Variants in COL17A1 observed in about 807,000 individuals in gnomAD.
COL17A1 encodes collagen alpha-1(XVII) chain.
A neutral mutation model predicts 218.4 loss-of-function variants in COL17A1; 181 were observed. The ratio of observed to expected loss-of-function variants is 0.83; its 90% confidence interval spans 0.73 to 0.94. COL17A1 has a LOEUF of 0.94. Ranked by LOEUF, COL17A1 falls within the 40% of genes least tolerant of loss-of-function variation. The pLI is 0.00. For synonymous variants in COL17A1, 721 were observed against 731.0 expected (o/e 0.99, Z 0.22); for missense variants, 1,924 against 1,945.9 (o/e 0.99, Z 0.21).
intron 2 of COL17A1, 114 bp downstream of exon 2, chr10:104,080,508 T>G (rs1051850864): frequency 7.8e-7 from 1 of 1,282,790 alleles, no homozygotes; most frequent in African/African-American, 1.5e-5. Flanking sequence ...AGGAACACAC[T>G]TAAACATGAT....
intron 29 of COL17A1, among the ~76,000 whole-genome samples, chr10:104,048,346 C>T (rs897491250): frequency 1.2e-4 from 18 of 152,172 alleles, no homozygotes; most frequent in African/African-American, 3.9e-4. Flanking sequence ...GCATCTCAAG[C>T]GCCTCGATGC....
chr10:104,039,523 G>T lies in COL17A1; in HGVS notation c.2822-4C>A. 6.2e-7 allele frequency: 1 copy of T among 1,614,176 alleles called. No homozygotes were observed. Among genetic ancestry groups the T allele is most frequent in the Non-Finnish European group, 8.5e-7 (1 of 1,180,032 alleles). On this transcript the variant is annotated splice_polypyrimidine_tract_variant and splice_region_variant and intron_variant, in intron 42 of 55. Coordinates refer to ENST00000648076, the MANE Select transcript of COL17A1 (RefSeq NM_000494.4). ...TTGAGTCCGAAAGAACTGGACCCTG[G>T]AAGCCAACAACACACACAGTGCAGT...
intron 17 of COL17A1, 144 bp from the exon 18 acceptor site, chr10:104,056,147 C>T: frequency 1.0e-6 from 1 of 1,001,398 alleles, no homozygotes; most frequent in Non-Finnish European, 1.5e-6. Flanking sequence ...AGATAATCTG[C>T]CGTGGCCACC....
At chr10:104,076,216 G>C in intron 5 of COL17A1, 85 bp downstream of exon 5, 1 of 1,603,878 alleles carries the variant, frequency 6.2e-7, no homozygotes, top group South Asian at 1.1e-5. Context: ...GCAGACACAG[G>C]TGGCCAGCAT....
Position 104,039,531 on chromosome 10 carries a change from C to G in COL17A1, c.2822-12G>C. 1 of 1,614,136 alleles carries G rather than the reference C, an allele frequency of 6.2e-7. No homozygotes were observed. Among genetic ancestry groups the G allele is most frequent in the Non-Finnish European group, 8.5e-7 (1 of 1,180,018 alleles). On this transcript the variant is annotated splice_polypyrimidine_tract_variant and intron_variant, in intron 42 of 55. Coordinates refer to ENST00000648076, the MANE Select transcript of COL17A1 (RefSeq NM_000494.4). ...GAAAGAACTGGACCCTGGAAGCCAA[C>G]AACACACACAGTGCAGTCAGCCAGG...
At chr10:104,036,906 A>G (rs2086305241) in intron 47 of COL17A1, 139 bp downstream of exon 47, 1 of 875,860 alleles carries the variant, frequency 1.1e-6, no homozygotes, top group African/African-American at 1.7e-5. Flanking sequence ...TCAGAGCAGT[A>G]AGTGGCTCTT....
intron 16 of COL17A1, 61 bp downstream of exon 16, chr10:104,058,085 C>T: frequency 2.5e-6 from 4 of 1,609,276 alleles, no homozygotes; most frequent in Non-Finnish European, 3.4e-6. Flanking sequence ...ATCATCTGGT[C>T]CATTAGCCAT....
chr10:104,085,824 T>C lies in COL17A1; in HGVS notation c.-113A>G, dbSNP rs1447187060. The C allele has an allele frequency of 6.5e-6, 1 of 152,674 alleles. No individual in the cohort carries two copies. The highest frequency in any genetic ancestry group is 1.5e-5 in the Non-Finnish European group (1 of 68,042). The allele number at this position is 152,674 out of a possible 1,614,324, so 9.5% of individuals were successfully genotyped here. A position where few individuals can be genotyped will look rare whatever the true frequency, so the allele number is the denominator to read the frequency against. On this transcript the variant is annotated 5_prime_UTR_variant, in exon 1 of 56. Coordinates refer to ENST00000648076, the MANE Select transcript of COL17A1 (RefSeq NM_000494.4). ...TCTAGAAATTTGCAGTGCTCACTTTTTTTTTATCCAGACCCAGCCAAGGTG... is the reference window on the plus strand; with the variant it reads ...TCTAGAAATTTGCAGTGCTCACTTTCTTTTTATCCAGACCCAGCCAAGGTG...
At chr10:104,055,226 A>C (rs1363043900) in intron 19 of COL17A1, 146 bp downstream of exon 19, 20 of 1,486,958 alleles carry the variant, frequency 1.3e-5, no homozygotes, top group Non-Finnish European at 1.9e-5. Context: ...TCTAAAACCA[A>C]CAGATACCTC....
chr10:104,049,399 G>C lies in COL17A1; in HGVS notation c.2227+10C>G, dbSNP rs1485458871. The C allele has an allele frequency of 6.2e-7, 1 of 1,613,970 alleles. No individual in the cohort carries two copies. On this transcript the variant is annotated intron_variant, in intron 29 of 55. Coordinates refer to ENST00000648076, the MANE Select transcript of COL17A1 (RefSeq NM_000494.4). ...GGAACTCACTGAATCCATTCCTTTG[G>C]AACACTTACCCATTGCTCCTTTAGC...
chr10:104,080,394 AC>A (rs1323265890), intron 2 of COL17A1, among the ~76,000 whole-genome samples: 2 of 152,216 alleles, frequency 1.3e-5, no homozygotes, highest in African/African-American at 4.8e-5. Context: ...GGTTATAAAT[AC>A]TGTACATGGA....
intron 38 of COL17A1, 22 bp from the exon 39 acceptor site, chr10:104,041,140 A>G: frequency 1.9e-6 from 3 of 1,610,548 alleles, no homozygotes; most frequent in Non-Finnish European, 2.5e-6. Flanking sequence ...AACCCCCAAG[A>G]CTTATTAGTG....
chr10:104,073,450 A>C (rs183740405), intron 6 of COL17A1, among the ~76,000 whole-genome samples: 68 of 152,282 alleles, frequency 4.5e-4, no homozygotes, highest in Non-Finnish European at 6.0e-4. Context: ...TAGTACATTT[A>C]TGATGTTAAA....
At chr10:104,050,987 C>A in intron 25 of COL17A1, 86 bp from the exon 26 acceptor site, 2 of 1,593,766 alleles carry the variant, frequency 1.3e-6, no homozygotes, top group Admixed American at 3.4e-5. Flanking sequence ...TGCACACATA[C>A]AGGCACACAT....
At chr10:104,060,382 G>C in intron 13 of COL17A1, 102 bp from the exon 14 acceptor site, 3 of 1,476,284 alleles carry the variant, frequency 2.0e-6, no homozygotes, top group Non-Finnish European at 1.8e-6. Context: ...AAGGAGGAGG[G>C]AGGTAAATTA....
In COL17A1 at chr10:104,034,749, A is replaced by G; in HGVS notation, c.3638T>C (p.Ile1213Thr). 6.2e-7 allele frequency: 1 copy of G among 1,612,618 alleles called. No homozygotes were observed. Among genetic ancestry groups the G allele is most frequent in the Non-Finnish European group, 8.5e-7 (1 of 1,179,680 alleles). ...SYLHTAGLSF[I>T]PGPPGPPGPP... The stretch of plus-strand genomic sequence containing the variant: ...ACCAGGAGGTCCTGGAGGGCCTGGG[A>G]TGAATGACAAGCCGGCAGCTGGGCA... Residue 1213 changes from isoleucine to threonine, a missense_variant, in exon 51 of 56, where the codon ATC becomes ACC. Ile to Thr is a moderately conservative substitution (Grantham distance 89). Transcript: ENST00000648076.
intron 50 of COL17A1, 79 bp from the exon 51 acceptor site, chr10:104,034,846 G>A: frequency 2.6e-6 from 4 of 1,555,326 alleles, no homozygotes. Flanking sequence ...TCGGGGCGCT[G>A]TGGGCCCCAC....
chr10:104,071,585 C>A (rs981181511), intron 8 of COL17A1, among the ~76,000 whole-genome samples: 2 of 152,174 alleles, frequency 1.3e-5, no homozygotes, highest in African/African-American at 4.8e-5. Context: ...CTTAAACTAT[C>A]CCATTATGTC....
chr10:104,078,500 A>C, intron 3 of COL17A1, 42 bp downstream of exon 3: 1 of 1,614,024 alleles, frequency 6.2e-7, no homozygotes, highest in Admixed American at 1.7e-5. Context: ...GGCCCTTCAA[A>C]TGTGACCTAC....
Sources: allele counts gnomAD v4.1 joint callset (sites outside exome capture counted in the v4.1 genomes callset), GRCh38; gene constraint gnomAD v4.1.1; transcripts MANE v1.5; gene names NCBI Gene and HGNC (gene_info 2026-07-23, HGNC 2026-07-21).